The following ALB variants were observed in gnomAD, a reference collection of about 807,000 sequenced individuals.
ALB encodes albumin.
In ALB, 37 loss-of-function variants were observed where a neutral mutation model predicts 74.5. The observed-to-expected ratio is 0.50, with a 90% CI of 0.38 to 0.65. The LOEUF (loss-of-function observed/expected upper bound fraction) is 0.65. Ranked by LOEUF, ALB falls within the 30% of genes least tolerant of loss-of-function variation. The pLI is 0.00. For missense variants in ALB, 685 were observed against 718.7 expected, an observed-to-expected ratio of 0.95 and a Z score of 0.54; for synonymous variants, 249 against 251.6, an observed-to-expected ratio of 0.99 and a Z score of 0.10.
Position 73,421,273 on chromosome 4 carries a change from T to A in ALB, c.*205T>A. ...AGAATCTAATAGAGTGGTACAGCAC[T>A]GTTATTTTTCAAAGATGTGTTGCTA... On this transcript the variant is annotated 3_prime_UTR_variant, in exon 15 of 15. Transcript: ENST00000295897. 1 of 452,314 alleles carries A rather than the reference T, an allele frequency of 2.2e-6. No homozygotes were observed. The highest frequency in any genetic ancestry group is 4.4e-5 in the South Asian group (1 of 22,780). The allele number at this position is 452,314 out of a possible 1,614,324, so 28.0% of individuals were successfully genotyped here. A position where few individuals can be genotyped will look rare whatever the true frequency, so the allele number is the denominator to read the frequency against.
intron 7 of ALB, 115 bp from the exon 8 acceptor site, chr4:73,413,305 A>G: frequency 1.0e-6 from 1 of 961,024 alleles, no homozygotes; most frequent in Non-Finnish European, 1.6e-6. Context: ...CATAGAAGGA[A>G]TATGTGTATG....
In ALB at chr4:73,408,726, A is replaced by G. The variant is rs200853688; in HGVS notation, c.403A>G (p.Asn135Asp). ...CTTGCAACACAAAGATGACAACCCA[A>G]ACCTCCCCCGATTGGTGAGACCAGA... ...CFLQHKDDNP[N>D]LPRLVRPEVD... The change falls in exon 4 of 15, where the codon AAC becomes GAC. Residue 135 changes from asparagine to aspartate, a missense_variant. Coordinates refer to ENST00000295897, the MANE Select transcript of ALB (RefSeq NM_000477.7). 1 of 1,614,020 alleles carries G rather than the reference A, an allele frequency of 6.2e-7. No homozygotes were observed. The highest frequency in any genetic ancestry group is 1.3e-5 in the African/African-American group (1 of 75,034).
chr4:73,408,638 T>C lies in ALB; in HGVS notation c.315T>C (p.Arg105=), dbSNP rs1348651467. ...GDKLCTVATL[R]ETYGEMADCC... ...AATTATGCACAGTTGCAACTCTTCG[T>C]GAAACCTATGGTGAAATGGCTGACT... is the stretch of plus-strand genomic sequence containing the variant. Residue 105 remains arginine (R), a synonymous_variant, in exon 4 of 15, where the codon CGT becomes CGC. Coordinates refer to ENST00000295897, the MANE Select transcript of ALB (RefSeq NM_000477.7). 6.2e-7 allele frequency: 1 copy of C among 1,613,950 alleles called. No homozygotes were observed. The highest frequency in any genetic ancestry group is 1.3e-5 in the African/African-American group (1 of 74,920).
rs780586176 is a variant in ALB at position 73,416,351 on chromosome 4, T to C, written c.1287T>C (p.Asn429=). ...AGCTTGGAGAGTACAAATTCCAGAATGCGTAAGTAATTTTTATTGACTGAT... is the reference window on the plus strand; with the variant it reads ...AGCTTGGAGAGTACAAATTCCAGAACGCGTAAGTAATTTTTATTGACTGAT... The part of the protein sequence containing the change: ...FEQLGEYKFQ[N]ALLVRYTKKV... Residue 429 remains asparagine, a splice_region_variant and synonymous_variant, in exon 10 of 15, where the codon AAT becomes AAC. Transcript: ENST00000295897. 94 of 1,611,056 alleles carry C rather than the reference T, an allele frequency of 5.8e-5. No homozygotes were observed. The highest frequency in any genetic ancestry group is 7.7e-5 in the Non-Finnish European group (91 of 1,178,162).
chr4:73,420,897 A>G (rs1577943335), intron 14 of ALB, 195 bp from the exon 15 acceptor site: 1 of 473,430 alleles, frequency 2.1e-6, no homozygotes, highest in East Asian at 3.3e-5. Flanking sequence ...TTCTTATGAC[A>G]ACATTTATTG....
Position 73,405,446 on chromosome 4 carries a change from C to T in ALB, c.137+273C>T, listed in dbSNP as rs578150821. 1.3e-3 allele frequency among the ~76,000 whole-genome samples: 193 copies of T among 152,268 alleles called. 4 individuals are homozygous for T. In the South Asian group the frequency reaches 0.031, roughly 24 times the overall value. On this transcript the variant is annotated intron_variant, in intron 2 of 14. Coordinates refer to ENST00000295897, the MANE Select transcript of ALB (RefSeq NM_000477.7). ...TGTAGTTAATTTGAATGTATATAGT[C>T]ACATGTGGCTAATGGCTACTGTATT...
chr4:73,417,588 G>C lies in ALB; in HGVS notation c.1347G>C (p.Glu449Asp). The C allele has an allele frequency of 6.2e-7, 1 of 1,613,548 alleles. No homozygotes were observed. The change falls in exon 11 of 15, where the codon GAG becomes GAC. Residue 449 changes from glutamate to aspartate, a missense_variant. Coordinates refer to ENST00000295897, the MANE Select transcript of ALB (RefSeq NM_000477.7). ...AAGTGTCAACTCCAACTCTTGTAGA[G>C]GTCTCAAGAAACCTAGGAAAAGTGG... ...VPQVSTPTLVEVSRNLGKVGS... is the reference protein window; with the variant it reads ...VPQVSTPTLVDVSRNLGKVGS...
chr4:73,406,391 T>C (rs1389028329), intron 2 of ALB, among the ~76,000 whole-genome samples: 4 of 152,240 alleles, frequency 2.6e-5, no homozygotes, highest in Non-Finnish European at 2.9e-5. Context: ...TGTGCATAGA[T>C]CTACTGACAC....
intron 5 of ALB, 48 bp from the exon 6 acceptor site, chr4:73,410,264 C>T (rs1224201161): frequency 6.8e-7 from 1 of 1,472,590 alleles, no homozygotes; most frequent in East Asian, 2.3e-5. Context: ...AGGGGTGTTT[C>T]ATGTAGAATT....
At chr4:73,412,323 C>G in intron 7 of ALB, 198 bp downstream of exon 7, 1 of 648,622 alleles carries the variant, frequency 1.5e-6, no homozygotes, top group South Asian at 1.7e-5. Flanking sequence ...CCAGATAAAC[C>G]CATTCACTGA....
At chr4:73,409,590 G>A (rs1313320402) in intron 5 of ALB, 103 bp downstream of exon 5, 22 of 1,420,050 alleles carry the variant, frequency 1.5e-5, no homozygotes, top group Middle Eastern at 1.8e-4. Flanking sequence ...CAAACTTTCC[G>A]ACATGGTCAA....
At chr4:73,411,550 T>C (rs920473711) in intron 6 of ALB, among the ~76,000 whole-genome samples, 9 of 152,234 alleles carry the variant, frequency 5.9e-5, no homozygotes, top group Admixed American at 3.3e-4. Flanking sequence ...TCCCAGATTA[T>C]AAAATGCTTT....
At position 73,419,610 on chromosome 4, in the gene ALB, G is replaced by T. The variant is rs772106178; in HGVS notation, c.1756G>T (p.Asp586Tyr). The T allele has an allele frequency of 6.2e-7, 1 of 1,614,014 alleles. No individual in the cohort carries two copies. ...TTTTGTAGAGAAGTGCTGCAAGGCT[G>T]ACGATAAGGAGACCTGCTTTGCCGA... ...AAFVEKCCKA[D>Y]DKETCFAEEG... Residue 586 changes from aspartate (D) to tyrosine (Y), a missense_variant, in exon 13 of 15, where the codon GAC becomes TAC. By Grantham distance (160) the Asp-to-Tyr change is radical. Transcript: ENST00000295897.
At chr4:73,419,184 A>G in intron 12 of ALB, 1 of 229,880 alleles carries the variant, frequency 4.4e-6, no homozygotes, top group Non-Finnish European at 8.7e-6. Context: ...TCTGAATAAT[A>G]TATAATTGCA....
rs1485051823 is a variant in ALB at position 73,412,351 on chromosome 4, T to TTA, written c.843+226_843+227insTA. ...TTCACTGATTTGTAACTCCTTTCAG[T>TTA]CATGCTCTAACTGTAAATGAAGGCT... On this transcript the variant is annotated intron_variant, in intron 7 of 14. Coordinates refer to ENST00000295897, the MANE Select transcript of ALB (RefSeq NM_000477.7). The TTA allele has an allele frequency of 2.1e-5, 12 of 574,244 alleles. No homozygotes were observed. The African/African-American group carries it at 2.2e-4, about 11-fold the overall frequency. The allele number at this position is 574,244 out of a possible 1,614,324, so 35.6% of individuals were successfully genotyped here.
intron 7 of ALB, among the ~76,000 whole-genome samples, chr4:73,412,382 T>G (rs1009438998): frequency 1.3e-5 from 2 of 152,226 alleles, no homozygotes; most frequent in African/African-American, 4.8e-5. Context: ...AGGCTTAAAC[T>G]GAAGTAGAAC....
intron 3 of ALB, among the ~76,000 whole-genome samples, chr4:73,408,127 T>G (rs1329382303): frequency 6.6e-6 from 1 of 152,200 alleles, no homozygotes; most frequent in Non-Finnish European, 1.5e-5. Flanking sequence ...AGTCACTTAA[T>G]ATATGATGGA....
Position 73,413,471 on chromosome 4 carries a change from C to A in ALB, c.895C>A (p.Leu299Met), listed in dbSNP as rs1299159324. The change falls in exon 8 of 15, where the codon CTG becomes ATG. Residue 299 changes from leucine to methionine, a missense_variant. Coordinates refer to ENST00000295897, the MANE Select transcript of ALB (RefSeq NM_000477.7). ...AAATCAAGATTCGATCTCCAGTAAA[C>A]TGAAGGAATGCTGTGAAAAACCTCT... Reference protein sequence around the residue: ...CENQDSISSKLKECCEKPLLE... With the variant: ...CENQDSISSKMKECCEKPLLE... 1.4e-5 allele frequency: 22 copies of A among 1,614,026 alleles called. No individual in the cohort carries two copies. Among genetic ancestry groups the A allele is most frequent in the South Asian group, 3.3e-5 (3 of 91,088 alleles).
intron 8 of ALB, 96 bp downstream of exon 8, chr4:73,413,730 C>A: frequency 8.3e-7 from 1 of 1,207,594 alleles, no homozygotes; most frequent in Non-Finnish European, 1.2e-6. Flanking sequence ...TACAATTTCC[C>A]TGCTGCCCAG....
Sources: gnomAD v4.1 joint callset for allele counts (sites outside exome capture counted in the v4.1 genomes callset) on GRCh38, gnomAD v4.1.1 for gene constraint, MANE v1.5 for transcripts, NCBI Gene and HGNC (gene_info 2026-07-23, HGNC 2026-07-21) for gene names.